Variants in MREG observed in about 807,000 individuals in gnomAD.
MREG encodes the protein dilute suppressor protein homolog.
MREG carries 31 observed loss-of-function variants against 28.5 expected under a neutral mutation model. That is an observed-to-expected ratio of 1.09 (90% CI 0.82 to 1.47). MREG has a LOEUF of 1.47. Ranked by LOEUF, MREG falls within the 40% of genes most tolerant of loss-of-function variation. The pLI, the probability that MREG is intolerant of heterozygous loss-of-function variation, is 0.00. For synonymous variants in MREG, 106 were observed against 95.2 expected (o/e 1.11, Z -0.66); for missense variants, 256 against 257.4 (o/e 0.99, Z 0.04).
intron 1 of MREG, among the ~76,000 whole-genome samples, chr2:215,997,152 G>C (rs923157732): frequency 6.6e-6 from 1 of 152,220 alleles, no homozygotes; most frequent in Non-Finnish European, 1.5e-5. Context: ...GACTGGCTCT[G>C]AGTTCAAGGA....
chr2:216,007,403 T>TTTTTTTTATTTATTTA (rs1553555367), intron 1 of MREG, among the ~76,000 whole-genome samples: 5 of 142,850 alleles, frequency 3.5e-5, no homozygotes, highest in African/African-American at 1.3e-4. Flanking sequence ...CTTAGCAACA[T>TTTTTTTTATTTATTTA]TTTATTTATT....
upstream of MREG, among the ~76,000 whole-genome samples, chr2:216,014,853 A>G (rs566436200): frequency 4.6e-5 from 7 of 152,280 alleles, no homozygotes; most frequent in Non-Finnish European, 1.0e-4. Flanking sequence ...GCAAGGTTCA[A>G]TCTAAAGTTT....
chr2:215,967,592 T>C (rs1692977137), intron 2 of MREG, among the ~76,000 whole-genome samples: 1 of 152,240 alleles, frequency 6.6e-6, no homozygotes, highest in Non-Finnish European at 1.5e-5. Context: ...AGGCTGCTCA[T>C]GTGTCCTTTT....
Position 215,964,157 on chromosome 2 carries a change from C to T in MREG, c.256-17044G>A, listed in dbSNP as rs534174995. Among the ~76,000 whole-genome samples the T allele has an allele frequency of 3.9e-5, 6 of 152,124 alleles. No homozygotes were observed. The East Asian group carries it at 9.7e-4, about 25-fold the overall frequency. ...ATGGCAAGCAATATACCAGAAAAAG[C>T]ATTTGATACAAATATACCAAGGGGT... On this transcript the variant is annotated intron_variant, in intron 2 of 4. Transcript: ENST00000263268.
chr2:216,017,756 A>T (rs147323466), upstream of MREG, among the ~76,000 whole-genome samples: 1,745 of 152,278 alleles, frequency 0.011, 29 homozygotes, highest in African/African-American at 0.038. Context: ...TTTGAAAACA[A>T]CTAGTAGAAT....
intron 2 of MREG, among the ~76,000 whole-genome samples, chr2:215,988,426 A>C (rs1574630800): frequency 6.6e-6 from 1 of 152,168 alleles, no homozygotes; most frequent in Admixed American, 6.5e-5. Flanking sequence ...TTGGGTGCCT[A>C]TGCCACCAGG....
intron 1 of MREG, among the ~76,000 whole-genome samples, chr2:216,028,217 C>G (rs1409990665): frequency 2.0e-5 from 3 of 152,106 alleles, no homozygotes; most frequent in Admixed American, 1.3e-4. Context: ...CACGAACTTG[C>G]TCAAAATACC....
At chr2:215,954,445 A>AACAAACAC (rs1553547417) in intron 2 of MREG, among the ~76,000 whole-genome samples, 6,694 of 136,578 alleles carry the variant, frequency 0.049, 557 homozygotes, top group African/African-American at 0.16. Context: ...ATCTGTGTAC[A>AACAAACAC]ACACACACAC....
At chr2:215,954,172 C>A (rs550457772) in intron 2 of MREG, among the ~76,000 whole-genome samples, 13 of 152,168 alleles carry the variant, frequency 8.5e-5, no homozygotes, top group Non-Finnish European at 1.8e-4. Flanking sequence ...TGGCTAATTT[C>A]TTCCAAAGAT....
chr2:215,941,051 A>G (rs1559170507), downstream of MREG, among the ~76,000 whole-genome samples: 2 of 152,194 alleles, frequency 1.3e-5, no homozygotes, highest in Admixed American at 6.5e-5. Context: ...TACTTGGCTG[A>G]GTTTTCAATA....
intron 1 of MREG, among the ~76,000 whole-genome samples, chr2:216,019,521 T>G (rs924887114): frequency 2.0e-5 from 3 of 151,944 alleles, no homozygotes; most frequent in African/African-American, 7.3e-5. Flanking sequence ...TTTTTTTTTT[T>G]TGAGACAGAG....
At chr2:215,994,345 A>G (rs1157511341) in intron 2 of MREG, among the ~76,000 whole-genome samples, 2 of 151,748 alleles carry the variant, frequency 1.3e-5, no homozygotes, top group East Asian at 1.9e-4. Context: ...TCTCACTCAT[A>G]AGTGGGAGCT....
chr2:215,998,252 C>T (rs1398089435), intron 1 of MREG, among the ~76,000 whole-genome samples: 4 of 150,854 alleles, frequency 2.7e-5, no homozygotes, highest in Non-Finnish European at 5.9e-5. Context: ...TTGCAGTGAG[C>T]TGAGATCGCG....
intron 2 of MREG, among the ~76,000 whole-genome samples, chr2:215,975,838 C>T (rs1005869811): frequency 1.2e-4 from 18 of 152,182 alleles, no homozygotes; most frequent in African/African-American, 4.1e-4. Flanking sequence ...GTAATCCCAG[C>T]ACTTTGGGAG....
chr2:215,943,970 C>CTTTTTTTTTTT lies in MREG; in HGVS notation c.*882_*892dup, dbSNP rs869259776. 4.6e-5 allele frequency: 3 copies of CTTTTTTTTTTT among 65,226 alleles called. No homozygotes were observed. The highest frequency in any genetic ancestry group is 6.6e-5 in the African/African-American group (1 of 15,220). The allele number at this position is 65,226 out of a possible 1,614,324, so 4.0% of individuals were successfully genotyped here. On this transcript the variant is annotated 3_prime_UTR_variant, in exon 5 of 5. Coordinates refer to ENST00000263268, the MANE Select transcript of MREG (RefSeq NM_018000.3). ...AAGTACAACACATGAATACATAACTCTTTTTTTTTTTTTTTTTTTTTTTTT... is the reference window on the plus strand; with the variant it reads ...AAGTACAACACATGAATACATAACTCTTTTTTTTTTTTTTTTTTTTTTTTTTTTTTTTTTTT...
chr2:216,022,773 G>A (rs115352075), intron 1 of MREG, among the ~76,000 whole-genome samples: 42 of 152,252 alleles, frequency 2.8e-4, no homozygotes, highest in African/African-American at 8.7e-4. Flanking sequence ...AGCTATCATC[G>A]GTGTGCTTCC....
At chr2:215,965,884 C>T (rs147408097) in intron 2 of MREG, among the ~76,000 whole-genome samples, 28 of 152,264 alleles carry the variant, frequency 1.8e-4, no homozygotes, top group Middle Eastern at 6.8e-3. Context: ...TCATCAATTG[C>T]ACCTCCAGGT....
At chr2:215,972,564 C>T (rs962438196) in intron 2 of MREG, among the ~76,000 whole-genome samples, 1 of 146,806 alleles carries the variant, frequency 6.8e-6, no homozygotes, top group Non-Finnish European at 1.5e-5. Context: ...TGCGGTGAGC[C>T]GAGATTGTGC....
At chr2:215,997,215 G>C (rs1028959356) in intron 1 of MREG, among the ~76,000 whole-genome samples, 4 of 152,212 alleles carry the variant, frequency 2.6e-5, no homozygotes, top group African/African-American at 7.2e-5. Flanking sequence ...AATTCCTTAT[G>C]CCAGGAAAAT....
Sources: gnomAD v4.1 joint callset for allele counts (sites outside exome capture counted in the v4.1 genomes callset) on GRCh38, gnomAD v4.1.1 for gene constraint, MANE v1.5 for transcripts, NCBI Gene and HGNC (gene_info 2026-07-23, HGNC 2026-07-21) for gene names.